Variants in RHEB observed in about 807,000 individuals in gnomAD.
The protein encoded by RHEB is GTP-binding protein Rheb.
RHEB carries 2 observed loss-of-function variants against 28.8 expected under a neutral mutation model. The ratio of observed to expected loss-of-function variants is 0.07; its 90% CI spans 0.03 to 0.22. The LOEUF is 0.22. Among genes scored for constraint, RHEB ranks in the 10% least tolerant of loss-of-function variants. The pLI, the probability that RHEB is intolerant of heterozygous loss-of-function variation, is 1.00. For synonymous variants in RHEB, 69 were observed against 77.3 expected (o/e 0.89, Z 0.56); for missense variants, 76 against 219.9 (o/e 0.35, Z 4.14).
intron 7 of RHEB, among the ~76,000 whole-genome samples, chr7:151,469,103 T>C (rs1336756635): frequency 6.6e-6 from 1 of 152,234 alleles, no homozygotes; most frequent in Non-Finnish European, 1.5e-5. Flanking sequence ...ACTCAGAAAC[T>C]GAGCTGACTT....
At chr7:151,482,220 A>G (rs1584852966) in intron 3 of RHEB, among the ~76,000 whole-genome samples, 1 of 152,234 alleles carries the variant, frequency 6.6e-6, no homozygotes, top group African/African-American at 2.4e-5. Flanking sequence ...TTTATAGATA[A>G]AGCTCTGAGG....
chr7:151,508,431 TA>T (rs1434282938), intron 1 of RHEB, among the ~76,000 whole-genome samples: 1 of 152,210 alleles, frequency 6.6e-6, no homozygotes, highest in Non-Finnish European at 1.5e-5. Context: ...ACATGGACAG[TA>T]AGTACCTGAA....
At chr7:151,485,600 G>A (rs1006805843) in intron 2 of RHEB, among the ~76,000 whole-genome samples, 4 of 152,144 alleles carry the variant, frequency 2.6e-5, no homozygotes, top group Non-Finnish European at 5.9e-5. Flanking sequence ...CTGATTGGCC[G>A]TCCTATATGA....
At chr7:151,517,369 G>GAAAAA (rs1563103629) in intron 1 of RHEB, among the ~76,000 whole-genome samples, 2 of 52,050 alleles carry the variant, frequency 3.8e-5, no homozygotes. Context: ...ACTCCGTCTC[G>GAAAAA]GAAAAAAAAA....
chr7:151,513,551 G>A (rs979447358), intron 1 of RHEB, among the ~76,000 whole-genome samples: 2 of 152,180 alleles, frequency 1.3e-5, no homozygotes, highest in African/African-American at 2.4e-5. Flanking sequence ...TCTGCGTAAC[G>A]ATGAACAAAT....
intron 1 of RHEB, among the ~76,000 whole-genome samples, chr7:151,518,784 G>T (rs1043821379): frequency 6.6e-6 from 1 of 152,246 alleles, no homozygotes; most frequent in East Asian, 1.9e-4. Flanking sequence ...AACAAAAATA[G>T]GGCACCGAGA....
chr7:151,495,483 T>C (rs1802656566), intron 1 of RHEB, among the ~76,000 whole-genome samples: 1 of 152,232 alleles, frequency 6.6e-6, no homozygotes, highest in Admixed American at 6.5e-5. Context: ...TTTTTTCCAA[T>C]GATAAAATGG....
intron 1 of RHEB, among the ~76,000 whole-genome samples, chr7:151,508,464 A>T (rs1161254640): frequency 2.0e-5 from 3 of 152,176 alleles, no homozygotes; most frequent in Non-Finnish European, 4.4e-5. Context: ...TCCGACTGAG[A>T]TGTGTCACAG....
intron 2 of RHEB, 70 bp downstream of exon 2, chr7:151,490,873 T>C: frequency 8.6e-7 from 1 of 1,159,874 alleles, no homozygotes; most frequent in South Asian, 1.2e-5. Flanking sequence ...AAAGCCTCCA[T>C]GAATACACAA....
chr7:151,495,953 C>T (rs1563097629), intron 1 of RHEB, among the ~76,000 whole-genome samples: 1 of 152,172 alleles, frequency 6.6e-6, no homozygotes, highest in Non-Finnish European at 1.5e-5. Flanking sequence ...CCACCGACTC[C>T]CTACAAGCCC....
chr7:151,510,113 T>C (rs1213205172), intron 1 of RHEB, among the ~76,000 whole-genome samples: 3 of 152,180 alleles, frequency 2.0e-5, no homozygotes, highest in Admixed American at 1.3e-4. Context: ...GGCAAACACA[T>C]GAGTCCCGAC....
intron 1 of RHEB, among the ~76,000 whole-genome samples, chr7:151,514,224 C>T (rs555637487): frequency 6.6e-6 from 1 of 152,062 alleles, no homozygotes; most frequent in East Asian, 1.9e-4. Flanking sequence ...AAATATTAAC[C>T]ACAAATAGAT....
At chr7:151,511,047 C>T (rs192296234) in intron 1 of RHEB, among the ~76,000 whole-genome samples, 115 of 151,872 alleles carry the variant, frequency 7.6e-4, no homozygotes, top group Admixed American at 2.4e-3. Context: ...CATTGCACTG[C>T]AGCCTGGATG....
rs145356695 is a variant in RHEB at position 151,468,391 on chromosome 7, G to T, written c.463-1180C>A. 6.6e-6 allele frequency among the ~76,000 whole-genome samples: 1 copy of T among 152,132 alleles called. No individual in the cohort carries two copies. Among genetic ancestry groups the T allele is most frequent in the Non-Finnish European group, 1.5e-5 (1 of 68,034 alleles). On this transcript the variant is annotated intron_variant, in intron 7 of 7. Coordinates refer to ENST00000262187, the MANE Select transcript of RHEB (RefSeq NM_005614.4). This position sits in a 1 kb window ranked among gnomAD's most constrained non-coding sequence, Gnocchi z 4.3. ...TCAACTCCCTTCCCTACCAACTGTC[G>T]CTGGCACGGTGCCCGCGGCCACACC...
chr7:151,501,108 C>A (rs954163597), intron 1 of RHEB, among the ~76,000 whole-genome samples: 1 of 152,056 alleles, frequency 6.6e-6, no homozygotes, highest in Non-Finnish European at 1.5e-5. Flanking sequence ...AAAGTACAAT[C>A]CATAAAAGAA....
At position 151,484,818 on chromosome 7, in the gene RHEB, G is replaced by A. The variant is rs771504714; in HGVS notation, c.125-14C>T. 9.4e-6 allele frequency: 15 copies of A among 1,591,182 alleles called. No individual in the cohort carries two copies. The highest frequency in any genetic ancestry group is 4.0e-5 in the African/African-American group (3 of 74,460). On this transcript the variant is annotated splice_polypyrimidine_tract_variant and intron_variant, in intron 2 of 7. Coordinates refer to ENST00000262187, the MANE Select transcript of RHEB (RefSeq NM_005614.4). Reference sequence around the variant, plus strand: ...ACTTTGTAAAAGCTACAGGGAAAAAGGAAATTAAACATTAGTTTAAAAAAA... The same window carrying A: ...ACTTTGTAAAAGCTACAGGGAAAAAAGAAATTAAACATTAGTTTAAAAAAA...
At chr7:151,501,312 A>G (rs925529003) in intron 1 of RHEB, among the ~76,000 whole-genome samples, 1 of 152,260 alleles carries the variant, frequency 6.6e-6, no homozygotes, top group South Asian at 2.1e-4. Flanking sequence ...ACACTTTAAC[A>G]AAGAAAATAT....
intron 3 of RHEB, among the ~76,000 whole-genome samples, chr7:151,483,085 G>GGTGA (rs1802406059): frequency 6.6e-6 from 1 of 152,158 alleles, no homozygotes; most frequent in Non-Finnish European, 1.5e-5. Flanking sequence ...GAGTGTGTAG[G>GGTGA]GTGAGTGAAG....
At chr7:151,470,315 G>A (rs991918104) in intron 7 of RHEB, 4 of 268,594 alleles carry the variant, frequency 1.5e-5, no homozygotes, top group Non-Finnish European at 2.8e-5. Flanking sequence ...GTTTACAAAA[G>A]GTAGTATTTC....
Sources: allele counts gnomAD v4.1 joint callset (sites outside exome capture counted in the v4.1 genomes callset), GRCh38; gene constraint gnomAD v4.1.1; non-coding constraint Gnocchi (gnomAD v3.1); transcripts MANE v1.5; gene names NCBI Gene and HGNC (gene_info 2026-07-23, HGNC 2026-07-21).